The following ROBO1 variants were observed in gnomAD, a reference collection of about 807,000 sequenced individuals.
The protein encoded by ROBO1 is roundabout guidance receptor 1.
A neutral mutation model predicts 195.9 loss-of-function variants in ROBO1; 149 were observed. The ratio of observed to expected loss-of-function variants is 0.76; its 90% confidence interval spans 0.67 to 0.87. The LOEUF (loss-of-function observed/expected upper bound fraction) is 0.87. Ranked by LOEUF, ROBO1 falls within the 40% of genes least tolerant of loss-of-function variation. The pLI, the probability that ROBO1 is intolerant of heterozygous loss-of-function variation, is 0.00. For missense variants in ROBO1, 1,933 were observed against 2,068.3 expected (o/e 0.93, Z 1.27); for synonymous variants, 816 against 733.2 (o/e 1.11, Z -1.82).
intron 2 of ROBO1, among the ~76,000 whole-genome samples, chr3:79,135,762 T>G (rs978634668): frequency 2.6e-5 from 4 of 152,000 alleles, no homozygotes; most frequent in Non-Finnish European, 5.9e-5. Flanking sequence ...CTCAGCCTCC[T>G]GAGTAGCTGG....
intron 1 of ROBO1, among the ~76,000 whole-genome samples, chr3:79,640,290 A>T (rs974712587): frequency 6.6e-5 from 10 of 152,174 alleles, no homozygotes; most frequent in Non-Finnish European, 1.2e-4. Context: ...TTAGCTTAAA[A>T]TATTAAATTT....
chr3:78,781,155 ATC>A (rs531590405), intron 4 of ROBO1, among the ~76,000 whole-genome samples: 20 of 152,250 alleles, frequency 1.3e-4, no homozygotes, highest in African/African-American at 4.8e-4. Flanking sequence ...TTTTGCCCTT[ATC>A]CATTTCCTCT....
chr3:78,905,624 C>A (rs7619765), intron 4 of ROBO1, among the ~76,000 whole-genome samples: 91,196 of 151,772 alleles, frequency 0.6, 28,510 homozygotes, highest in East Asian at 0.79. Flanking sequence ...CACACACACA[C>A]AAAAACTCTA....
rs563217765 is a variant in ROBO1, at chr3:78,762,222, C to T, written c.500-15322G>A. On this transcript the variant is annotated intron_variant, in intron 4 of 30. Coordinates refer to ENST00000464233, the MANE Select transcript of ROBO1 (RefSeq NM_002941.4). ...CATAAGTATTTTTAATTGACAATGA[C>T]CTATGATTTAATAGAGATGAAGATC... Among the ~76,000 whole-genome samples, 10 of 152,026 alleles carry T rather than the reference C, an allele frequency of 6.6e-5. No homozygotes were observed. In the South Asian group the frequency reaches 1.7e-3, roughly 25 times the overall value.
intron 2 of ROBO1, among the ~76,000 whole-genome samples, chr3:79,329,391 G>A (rs937340493): frequency 4.6e-5 from 7 of 152,126 alleles, no homozygotes; most frequent in African/African-American, 1.7e-4. Context: ...CTCATAACAA[G>A]CCAAATGTTT....
At chr3:79,288,002 T>C (rs1208290966) in intron 2 of ROBO1, among the ~76,000 whole-genome samples, 4 of 152,252 alleles carry the variant, frequency 2.6e-5, no homozygotes, top group Admixed American at 1.3e-4. Flanking sequence ...TATTTTTGTA[T>C]AAAAATACAG....
At chr3:79,036,046 A>G (rs1486072667) in intron 3 of ROBO1, among the ~76,000 whole-genome samples, 1 of 152,174 alleles carries the variant, frequency 6.6e-6, no homozygotes, top group Non-Finnish European at 1.5e-5. Context: ...TAATATAACC[A>G]CAATATTTAG....
At chr3:79,688,120 C>T (rs952437574) in intron 1 of ROBO1, among the ~76,000 whole-genome samples, 18 of 149,258 alleles carry the variant, frequency 1.2e-4, no homozygotes, top group African/African-American at 4.0e-4. Context: ...ATCGCAAGGA[C>T]TAAAAACCAA....
chr3:79,120,064 G>A (rs532491762), intron 3 of ROBO1, among the ~76,000 whole-genome samples: 6 of 152,142 alleles, frequency 3.9e-5, no homozygotes, highest in Non-Finnish European at 8.8e-5. Context: ...GAGCCACCAT[G>A]CCCGGCTGTG....
chr3:79,397,452 A>C (rs1199014116), intron 2 of ROBO1, among the ~76,000 whole-genome samples: 1 of 152,160 alleles, frequency 6.6e-6, no homozygotes, highest in Non-Finnish European at 1.5e-5. Flanking sequence ...GTTCTGGCAA[A>C]GCATCTAAAA....
rs1946433749 is a variant in ROBO1, at chr3:79,664,944, A to T, written c.-50-74983T>A. Among the ~76,000 whole-genome samples, 3 of 152,016 alleles carry T rather than the reference A, an allele frequency of 2.0e-5. No homozygotes were observed. In the South Asian group the frequency reaches 6.2e-4, roughly 31 times the overall value. ...ATACTTTCTGTATTATGTCATATAA[A>T]GTGTAATGTATTTAATAAACATTAT... On this transcript the variant is annotated intron_variant, in intron 1 of 30. Coordinates refer to ENST00000464233, the MANE Select transcript of ROBO1 (RefSeq NM_002941.4).
intron 2 of ROBO1, among the ~76,000 whole-genome samples, chr3:79,448,574 C>A (rs2039342775): frequency 6.6e-6 from 1 of 152,158 alleles, no homozygotes; most frequent in Non-Finnish European, 1.5e-5. Flanking sequence ...GTAATCCCCG[C>A]ACCCCACCTC....
At chr3:79,044,895 CT>C (rs1373111379) in intron 3 of ROBO1, among the ~76,000 whole-genome samples, 2 of 151,676 alleles carry the variant, frequency 1.3e-5, no homozygotes, top group South Asian at 2.1e-4. Context: ...TCAGTTTCCC[CT>C]TTTTTTGTTT....
chr3:78,684,204 G>C (rs145986235), intron 10 of ROBO1, among the ~76,000 whole-genome samples: 190 of 152,182 alleles, frequency 1.2e-3, no homozygotes, highest in African/African-American at 4.2e-3. Context: ...CTATTTATGA[G>C]ATGGAATACT....
Position 78,627,353 on chromosome 3 carries a change from C to T in ROBO1, c.3843G>A (p.Glu1281=). ...CGGGCTGGTGCTGCATGTGGCCAGT[C>T]TCCTCTGGACAATCCTGTAACATGG... ...LQPMLQDCPE[E]TGHMQHQPDR... Residue 1281 remains glutamate (E), a synonymous_variant, in exon 26 of 31, where the codon GAG becomes GAA. Transcript: ENST00000464233. 1 of 1,612,396 alleles carries T rather than the reference C, an allele frequency of 6.2e-7. No individual in the cohort carries two copies. The highest frequency in any genetic ancestry group is 1.1e-5 in the South Asian group (1 of 90,674).
chr3:79,074,412 T>C (rs1028895214), intron 3 of ROBO1, among the ~76,000 whole-genome samples: 1 of 151,884 alleles, frequency 6.6e-6, no homozygotes, highest in African/African-American at 2.4e-5. Flanking sequence ...ACACATGTTG[T>C]TTTTAAATTT....
At chr3:79,249,063 CT>C (rs2082675306) in intron 2 of ROBO1, among the ~76,000 whole-genome samples, 1 of 152,258 alleles carries the variant, frequency 6.6e-6, no homozygotes, top group Middle Eastern at 3.4e-3. Flanking sequence ...GTCTTCTTTT[CT>C]TTCTATTAGA....
chr3:79,606,718 C>T (rs1223185980), intron 1 of ROBO1, among the ~76,000 whole-genome samples: 1 of 151,728 alleles, frequency 6.6e-6, no homozygotes, highest in Non-Finnish European at 1.5e-5. Flanking sequence ...TCATATTTGC[C>T]AGATTTCTCT....
At chr3:79,553,005 C>A (rs542324096) in intron 2 of ROBO1, among the ~76,000 whole-genome samples, 1 of 152,060 alleles carries the variant, frequency 6.6e-6, no homozygotes, top group South Asian at 2.1e-4. Context: ...ATTTTTCTAA[C>A]CTCTATAACC....
Sources: gnomAD v4.1 joint callset for allele counts (sites outside exome capture counted in the v4.1 genomes callset) on GRCh38, gnomAD v4.1.1 for gene constraint, MANE v1.5 for transcripts, NCBI Gene and HGNC (gene_info 2026-07-23, HGNC 2026-07-21) for gene names.